RGS7: variants seen among roughly 807,000 people sequenced by gnomAD.
RGS7 encodes regulator of G protein signaling 7.
A neutral mutation model predicts 81.1 loss-of-function variants in RGS7; 27 were observed. That is an observed-to-expected ratio of 0.33 (90% CI 0.25 to 0.46). The LOEUF (loss-of-function observed/expected upper bound fraction) is 0.46, where lower values mean the gene tolerates loss of function less well. Ranked by LOEUF, RGS7 falls within the 20% of genes least tolerant of loss-of-function variation. The pLI, the probability that RGS7 is intolerant of heterozygous loss-of-function variation, is 1.00. For missense variants in RGS7, 396 were observed against 607.4 expected (o/e 0.65, Z 3.66); for synonymous variants, 208 against 207.7 (o/e 1.00, Z -0.01).
chr1:240,859,440 G>GTTTTTTTTT (rs5782167), intron 9 of RGS7, among the ~76,000 whole-genome samples: 120 of 110,804 alleles, frequency 1.1e-3, no homozygotes, highest in African/African-American at 1.3e-3. Context: ...TTTCTTTCCT[G>GTTTTTTTTT]TTTTTTTTTT....
intron 2 of RGS7, among the ~76,000 whole-genome samples, chr1:241,331,497 G>A (rs2081977297): frequency 6.6e-6 from 1 of 152,036 alleles, no homozygotes; most frequent in Admixed American, 6.6e-5. Context: ...ATATGATAAA[G>A]GTACAATATA....
Position 240,868,709 on chromosome 1 carries a change from G to A in RGS7, c.528-41C>T, listed in dbSNP as rs186924895. ...CAATAGATAACATTTAGTATTAATT[G>A]TAGTGCCTCTCTGAACAAAAAGGCC... is the stretch of plus-strand genomic sequence containing the variant. On this transcript the variant is annotated intron_variant, in intron 8 of 18. Transcript: ENST00000440928. This position sits in a 1 kb window ranked among gnomAD's most constrained non-coding sequence, Gnocchi z 5.1. 2 of 1,609,932 alleles carry A rather than the reference G, an allele frequency of 1.2e-6. No individual in the cohort carries two copies. Among genetic ancestry groups the A allele is most frequent in the East Asian group, 4.5e-5 (2 of 44,852 alleles).
At chr1:241,057,911 T>A (rs1324429811) in intron 3 of RGS7, among the ~76,000 whole-genome samples, 2 of 152,126 alleles carry the variant, frequency 1.3e-5, no homozygotes, top group African/African-American at 4.8e-5. Flanking sequence ...AGGTTGTGAA[T>A]CCTTGGATCT....
chr1:241,312,410 A>G (rs2080595374), intron 2 of RGS7, among the ~76,000 whole-genome samples: 1 of 152,188 alleles, frequency 6.6e-6, no homozygotes, highest in African/African-American at 2.4e-5. Context: ...CAAGGCCATC[A>G]GTGCCATTTT....
At chr1:241,130,658 G>A (rs1212526501) in intron 2 of RGS7, among the ~76,000 whole-genome samples, 1 of 151,624 alleles carries the variant, frequency 6.6e-6, no homozygotes, top group Non-Finnish European at 1.5e-5. Flanking sequence ...TCTAAGTAGG[G>A]ACAAGAATTA....
intron 2 of RGS7, among the ~76,000 whole-genome samples, chr1:241,355,387 G>A (rs759615074): frequency 3.3e-5 from 5 of 152,060 alleles, no homozygotes; most frequent in Admixed American, 6.6e-5. Flanking sequence ...AAATTATTAC[G>A]GATGCTACTA....
intron 6 of RGS7, among the ~76,000 whole-genome samples, chr1:240,922,467 G>A (rs76052545): frequency 0.022 from 3,374 of 151,956 alleles, 58 homozygotes; most frequent in African/African-American, 0.045. Context: ...TTTGCAAAAC[G>A]TATCTGATAA....
chr1:241,165,427 T>G (rs1054073426), intron 2 of RGS7, among the ~76,000 whole-genome samples: 1 of 152,052 alleles, frequency 6.6e-6, no homozygotes, highest in Non-Finnish European at 1.5e-5. Flanking sequence ...GTGGCACATA[T>G]ACACATGGAA....
chr1:240,916,465 T>C (rs1429484116), intron 6 of RGS7, among the ~76,000 whole-genome samples: 1 of 152,158 alleles, frequency 6.6e-6, no homozygotes, highest in Non-Finnish European at 1.5e-5. Flanking sequence ...CAGATATTGT[T>C]ATGAGCTTAA....
At chr1:241,241,069 A>C (rs548018781) in intron 2 of RGS7, among the ~76,000 whole-genome samples, 1 of 152,180 alleles carries the variant, frequency 6.6e-6, no homozygotes, top group South Asian at 2.1e-4. Flanking sequence ...ATCGGCTAGA[A>C]CTGCCTGTTT....
intron 9 of RGS7, among the ~76,000 whole-genome samples, chr1:240,842,624 C>T (rs1208264316): frequency 1.2e-5 from 1 of 82,220 alleles, no homozygotes; most frequent in African/African-American, 3.7e-5. Flanking sequence ...AAAAGGTAAG[C>T]ATTTTGGGGG....
intron 3 of RGS7, among the ~76,000 whole-genome samples, chr1:241,012,335 C>T (rs1026479896): frequency 3.2e-4 from 48 of 152,148 alleles, no homozygotes; most frequent in African/African-American, 1.1e-3. Flanking sequence ...TGCAAAGGCA[C>T]GAGGGCACAC....
intron 3 of RGS7, among the ~76,000 whole-genome samples, chr1:241,060,828 A>G (rs2061703327): frequency 6.6e-6 from 1 of 152,254 alleles, no homozygotes; most frequent in African/African-American, 2.4e-5. Flanking sequence ...AACAAAGCTT[A>G]GCGTTACAAG....
intron 10 of RGS7, among the ~76,000 whole-genome samples, chr1:240,822,204 C>A (rs1337241892): frequency 3.3e-5 from 5 of 152,220 alleles, no homozygotes; most frequent in Non-Finnish European, 7.3e-5. Context: ...AGAAGGGATT[C>A]TGTCTCCAGA....
intron 9 of RGS7, among the ~76,000 whole-genome samples, chr1:240,842,085 A>G (rs116236669): frequency 0.012 from 1,846 of 152,124 alleles, 44 homozygotes; most frequent in African/African-American, 0.043. Flanking sequence ...TGCAAAGCAC[A>G]TATTAGTTTC....
chr1:241,106,295 A>C (rs1179809403), intron 2 of RGS7, among the ~76,000 whole-genome samples: 1 of 152,228 alleles, frequency 6.6e-6, no homozygotes, highest in Non-Finnish European at 1.5e-5. Context: ...ACTCAGAATT[A>C]ATTACTCTTT....
At chr1:241,027,165 T>C (rs2059832579) in intron 3 of RGS7, among the ~76,000 whole-genome samples, 1 of 151,572 alleles carries the variant, frequency 6.6e-6, no homozygotes. Flanking sequence ...ATTATGTCAT[T>C]GTACTCCAGC....
chr1:241,049,360 C>T (rs773980630), intron 3 of RGS7, among the ~76,000 whole-genome samples: 5 of 152,196 alleles, frequency 3.3e-5, no homozygotes, highest in Non-Finnish European at 5.9e-5. Context: ...TTATTTACAA[C>T]ATAGATGCAT....
chr1:240,819,186 T>C (rs1691340432), intron 10 of RGS7, among the ~76,000 whole-genome samples: 1 of 152,186 alleles, frequency 6.6e-6, no homozygotes, highest in African/African-American at 2.4e-5. Context: ...GACTTGAAGT[T>C]TCCATTCTTT....
Sources: allele counts gnomAD v4.1 joint callset (sites outside exome capture counted in the v4.1 genomes callset), GRCh38; gene constraint gnomAD v4.1.1; non-coding constraint Gnocchi (gnomAD v3.1); transcripts MANE v1.5; gene names NCBI Gene and HGNC (gene_info 2026-07-23, HGNC 2026-07-21).